The following MS4A12 variants were observed in gnomAD, a reference collection of about 807,000 sequenced individuals.
The protein encoded by MS4A12 is membrane-spanning 4-domains subfamily A member 12.
MS4A12 carries 28 observed loss-of-function variants against 23.7 expected under a neutral mutation model. The ratio of observed to expected loss-of-function variants is 1.18; its 90% confidence interval spans 0.88 to 1.62. MS4A12 has a LOEUF of 1.62. MS4A12 is among the 40% of genes most tolerant of loss of function. MS4A12 has a pLI of 0.00. For synonymous variants in MS4A12, 108 were observed against 110.1 expected (o/e 0.98, Z 0.12); for missense variants, 342 against 327.0 (o/e 1.05, Z -0.35).
At chr11:60,505,600 C>G (rs912890375) in intron 5 of MS4A12, among the ~76,000 whole-genome samples, 1 of 152,038 alleles carries the variant, frequency 6.6e-6, no homozygotes, top group Non-Finnish European at 1.5e-5. Context: ...AAAAAAAGCA[C>G]AGCTTTTAGA....
intron 5 of MS4A12, among the ~76,000 whole-genome samples, chr11:60,504,431 G>T (rs1178302950): frequency 1.3e-5 from 2 of 152,178 alleles, no homozygotes; most frequent in Non-Finnish European, 2.9e-5. Flanking sequence ...GGTTGGGCTG[G>T]AAGCTGTCAT....
At chr11:60,506,694 T>C (rs2135236874) in intron 5 of MS4A12, 34 bp from the exon 6 acceptor site, 2 of 1,591,008 alleles carry the variant, frequency 1.3e-6, no homozygotes, top group South Asian at 1.1e-5. Flanking sequence ...CCCTCCTGAT[T>C]AGCCAAAATT....
Position 60,495,303 on chromosome 11 carries a change from C to G in MS4A12, c.-6-2010C>G, listed in dbSNP as rs530499147. On this transcript the variant is annotated intron_variant, in intron 1 of 6. Coordinates refer to ENST00000016913, the MANE Select transcript of MS4A12 (RefSeq NM_017716.3). ...TTCCATTTTGAAAAAAAAAATTCCT[C>G]TGTAATCAGATATTTCAGAAAGATG... Among the ~76,000 whole-genome samples the G allele has an allele frequency of 4.0e-5, 6 of 151,822 alleles. No individual in the cohort carries two copies. In the South Asian group the frequency reaches 1.2e-3, roughly 32 times the overall value.
chr11:60,496,114 T>A (rs2086485902), intron 1 of MS4A12, among the ~76,000 whole-genome samples: 1 of 152,214 alleles, frequency 6.6e-6, no homozygotes, highest in South Asian at 2.1e-4. Flanking sequence ...TGAGACAGGA[T>A]AAATGGAAAG....
chr11:60,497,796 A>C lies in MS4A12; in HGVS notation c.276+202A>C, dbSNP rs531498734. Reference sequence around the variant, plus strand: ...CAAGCAAAAATATAACAAGACACAGAGGAGCCTCCCTAGCTGGAGAATTTG... The same window carrying C: ...CAAGCAAAAATATAACAAGACACAGCGGAGCCTCCCTAGCTGGAGAATTTG... On this transcript the variant is annotated intron_variant, in intron 2 of 6. Transcript: ENST00000016913. 1.2e-5 allele frequency: 7 copies of C among 579,064 alleles called. No homozygotes were observed. The East Asian group carries it at 1.9e-4, about 16-fold the overall frequency. The allele number at this position is 579,064 out of a possible 1,614,324, so 35.9% of individuals were successfully genotyped here. A position where few individuals can be genotyped will look rare whatever the true frequency, so the allele number is the denominator to read the frequency against.
intron 2 of MS4A12, among the ~76,000 whole-genome samples, chr11:60,499,336 C>T (rs1459360096): frequency 6.6e-6 from 1 of 152,148 alleles, no homozygotes; most frequent in Non-Finnish European, 1.5e-5. Context: ...ATGGTACAGC[C>T]AGGGCTGTAG....
intron 2 of MS4A12, among the ~76,000 whole-genome samples, chr11:60,499,222 T>C (rs1320498515): frequency 1.3e-5 from 2 of 152,254 alleles, no homozygotes; most frequent in South Asian, 2.1e-4. Flanking sequence ...TTGGCACACC[T>C]GTACCAGTCA....
intron 2 of MS4A12, among the ~76,000 whole-genome samples, chr11:60,499,918 T>A (rs2135230434): frequency 6.6e-6 from 1 of 152,280 alleles, no homozygotes. Flanking sequence ...CTTTTAGTAA[T>A]ATATGATTGA....
chr11:60,495,232 G>A (rs1285504395), intron 1 of MS4A12, among the ~76,000 whole-genome samples: 1 of 150,544 alleles, frequency 6.6e-6, no homozygotes, highest in Non-Finnish European at 1.5e-5. Context: ...TCGATCTCCT[G>A]ACCTCGGGAT....
intron 2 of MS4A12, 36 bp downstream of exon 2, chr11:60,497,630 T>C (rs1402248006): frequency 1.2e-5 from 20 of 1,601,652 alleles, no homozygotes; most frequent in Non-Finnish European, 1.7e-5. Flanking sequence ...TAATTTCACA[T>C]TTGCAAGGTC....
intron 1 of MS4A12, among the ~76,000 whole-genome samples, chr11:60,495,897 G>T (rs1388736233): frequency 1.3e-5 from 2 of 152,182 alleles, no homozygotes; most frequent in African/African-American, 4.8e-5. Context: ...TTGGGTAGTT[G>T]CAGGAGCAGA....
At chr11:60,501,521 A>G (rs1941018) in intron 3 of MS4A12, among the ~76,000 whole-genome samples, 86,788 of 151,670 alleles carry the variant, frequency 0.57, 25,004 homozygotes, top group East Asian at 0.66. Flanking sequence ...TGGAGAGAGA[A>G]AGAAAAGAAA....
intron 5 of MS4A12, among the ~76,000 whole-genome samples, chr11:60,505,554 T>C (rs1322138972): frequency 6.6e-6 from 1 of 151,856 alleles, no homozygotes; most frequent in Non-Finnish European, 1.5e-5. Context: ...GGCATCCAAG[T>C]AGAGAAACAA....
chr11:60,495,978 G>A (rs2135226580), intron 1 of MS4A12, among the ~76,000 whole-genome samples: 1 of 152,302 alleles, frequency 6.6e-6, no homozygotes, highest in South Asian at 2.1e-4. Context: ...TGCATGGAGG[G>A]GGATTCTGAA....
Position 60,497,481 on chromosome 11 carries a change from A to G in MS4A12, c.163A>G (p.Thr55Ala), listed in dbSNP as rs1182063794. Residue 55 changes from threonine (T) to alanine (A), a missense_variant, in exon 2 of 7, where the codon ACA (threonine) becomes GCA (alanine). Coordinates refer to ENST00000016913, the MANE Select transcript of MS4A12 (RefSeq NM_017716.3). ...GAQRAQPYGI[T>A]SPGIFASSQP... ...TCAGCGTGCTCAGCCCTACGGCATC[A>G]CATCTCCGGGAATCTTTGCTAGCAG... is the stretch of plus-strand genomic sequence containing the variant. The G allele has an allele frequency of 6.2e-7, 1 of 1,614,218 alleles. No homozygotes were observed. The highest frequency in any genetic ancestry group is 8.5e-7 in the Non-Finnish European group (1 of 1,180,028).
intron 5 of MS4A12, 25 bp from the exon 6 acceptor site, chr11:60,506,703 T>C: frequency 6.2e-7 from 1 of 1,604,982 alleles, no homozygotes; most frequent in Non-Finnish European, 8.5e-7. Flanking sequence ...TTAGCCAAAA[T>C]TTCACTATTT....
At chr11:60,501,867 G>A (rs2086532905) in intron 3 of MS4A12, 116 bp from the exon 4 acceptor site, 3 of 935,684 alleles carry the variant, frequency 3.2e-6, no homozygotes, top group Non-Finnish European at 5.0e-6. Context: ...AAGTGCGAGA[G>A]AAAATTTTGA....
intron 2 of MS4A12, among the ~76,000 whole-genome samples, chr11:60,498,695 A>G (rs909269540): frequency 7.2e-5 from 11 of 152,242 alleles, no homozygotes; most frequent in African/African-American, 2.7e-4. Context: ...AGACAAAACA[A>G]AGAAGTGTAA....
intron 3 of MS4A12, 138 bp from the exon 4 acceptor site, chr11:60,501,845 C>T: frequency 1.4e-6 from 1 of 725,898 alleles, no homozygotes; most frequent in Non-Finnish European, 2.4e-6. Flanking sequence ...AGAGTTACTC[C>T]AGAAAATTCA....
Sources: gnomAD v4.1 joint callset for allele counts (sites outside exome capture counted in the v4.1 genomes callset) on GRCh38, gnomAD v4.1.1 for gene constraint, MANE v1.5 for transcripts, NCBI Gene and HGNC (gene_info 2026-07-23, HGNC 2026-07-21) for gene names.